Variants in DENND6A observed in about 807,000 individuals in gnomAD.
DENND6A encodes the protein protein DENND6A.
A neutral mutation model predicts 95.5 loss-of-function variants in DENND6A; 43 were observed. That is an observed-to-expected ratio of 0.45 (90% CI 0.35 to 0.58). The LOEUF (loss-of-function observed/expected upper bound fraction) is 0.58, where lower values mean the gene tolerates loss of function less well. Ranked by LOEUF, DENND6A falls within the 20% of genes least tolerant of loss-of-function variation. The pLI is 0.00. For missense variants in DENND6A, 574 were observed against 736.0 expected (o/e 0.78, Z 2.55); for synonymous variants, 257 against 260.4 (o/e 0.99, Z 0.13).
At chr3:57,651,321 C>T (rs1317741576) in intron 9 of DENND6A, among the ~76,000 whole-genome samples, 1 of 152,146 alleles carries the variant, frequency 6.6e-6, no homozygotes, top group East Asian at 1.9e-4. Flanking sequence ...AGGACATAAC[C>T]CCCTTATAAG....
rs939172972 is a variant in DENND6A at position 57,653,035 on chromosome 3, G to A, written c.818+4645C>T. 5.9e-5 allele frequency among the ~76,000 whole-genome samples: 9 copies of A among 152,256 alleles called. 1 individual carries two copies. Among genetic ancestry groups the A allele is most frequent in the East Asian group, 3.9e-4 (2 of 5,182 alleles). The stretch of plus-strand genomic sequence containing the variant: ...TGATTTTACCAATTTTGATGGTTGC[G>A]TTGTATACTTGTTTGTAGGAAATAG... On this transcript the variant is annotated intron_variant, in intron 9 of 19. Coordinates refer to ENST00000311128, the MANE Select transcript of DENND6A (RefSeq NM_152678.3).
Position 57,625,459 on chromosome 3 carries a change from T to TAA in DENND6A, c.*2753_*2754dup, listed in dbSNP as rs2070508929. On this transcript the variant is annotated 3_prime_UTR_variant, in exon 20 of 20. Coordinates refer to ENST00000311128, the MANE Select transcript of DENND6A (RefSeq NM_152678.3). Reference sequence around the variant, plus strand: ...AATAACACAAAATATCCAAGTGCTTTAAAATCCAAGGCCTTTAATTTAGTT... The same window carrying TAA: ...AATAACACAAAATATCCAAGTGCTTTAAAAAATCCAAGGCCTTTAATTTAGTT... The TAA allele has an allele frequency of 6.6e-6, 1 of 152,634 alleles. No homozygotes were observed. The highest frequency in any genetic ancestry group is 6.5e-5 in the Admixed American group (1 of 15,272). The allele number at this position is 152,634 out of a possible 1,614,324, so 9.5% of individuals were successfully genotyped here. A position where few individuals can be genotyped will look rare whatever the true frequency, so the allele number is the denominator to read the frequency against.
chr3:57,664,557 A>G (rs1042453149), intron 4 of DENND6A, among the ~76,000 whole-genome samples: 3 of 152,202 alleles, frequency 2.0e-5, no homozygotes, highest in Admixed American at 6.5e-5. Flanking sequence ...AAATGAGGCC[A>G]GGTGCAGTGG....
chr3:57,642,935 G>A (rs894936266), intron 11 of DENND6A, among the ~76,000 whole-genome samples: 6 of 151,750 alleles, frequency 4.0e-5, no homozygotes, highest in Non-Finnish European at 5.9e-5. Flanking sequence ...GAACCCAGGA[G>A]GTGGAGGTTG....
intron 14 of DENND6A, 44 bp downstream of exon 14, chr3:57,634,512 TAC>T: frequency 9.1e-7 from 1 of 1,093,988 alleles, no homozygotes; most frequent in Non-Finnish European, 1.3e-6. Context: ...GGATATTACA[TAC>T]CTGAACAAGG....
intron 1 of DENND6A, among the ~76,000 whole-genome samples, chr3:57,692,162 A>T (rs940265528): frequency 9.3e-5 from 13 of 139,344 alleles, no homozygotes; most frequent in African/African-American, 3.5e-4. Context: ...CGGGAGGCAG[A>T]GGTTGCGGTG....
chr3:57,673,912 G>T (rs2071662632), intron 1 of DENND6A, among the ~76,000 whole-genome samples: 1 of 152,018 alleles, frequency 6.6e-6, no homozygotes, highest in Non-Finnish European at 1.5e-5. Context: ...TGGAATTACA[G>T]GCATGTGCCA....
chr3:57,635,553 CTA>C (rs1345903216), intron 12 of DENND6A, among the ~76,000 whole-genome samples: 1 of 152,094 alleles, frequency 6.6e-6, no homozygotes, highest in Non-Finnish European at 1.5e-5. Context: ...GAAAGACAAT[CTA>C]GAGATTATAT....
chr3:57,638,641 G>A (rs2153412850), intron 12 of DENND6A, among the ~76,000 whole-genome samples: 1 of 151,644 alleles, frequency 6.6e-6, no homozygotes, highest in Non-Finnish European at 1.5e-5. Context: ...CAGGCAACAG[G>A]GTGAGACTCC....
At chr3:57,660,963 G>A in intron 6 of DENND6A, 124 bp from the exon 7 acceptor site, 3 of 796,904 alleles carry the variant, frequency 3.8e-6, no homozygotes, top group East Asian at 3.2e-5. Context: ...AAGAATGAGA[G>A]ATAAAAGGCA....
intron 1 of DENND6A, among the ~76,000 whole-genome samples, chr3:57,689,946 C>G (rs957462389): frequency 6.6e-6 from 1 of 151,042 alleles, no homozygotes; most frequent in African/African-American, 2.4e-5. Context: ...TGTCTGTATT[C>G]ATAGATACTC....
intron 1 of DENND6A, among the ~76,000 whole-genome samples, chr3:57,676,460 A>C (rs1476928917): frequency 6.6e-6 from 1 of 151,364 alleles, no homozygotes; most frequent in Admixed American, 6.6e-5. Context: ...TTTAACAGTT[A>C]AATCCTTGTT....
At chr3:57,642,785 C>T (rs2070976936) in intron 11 of DENND6A, among the ~76,000 whole-genome samples, 1 of 152,016 alleles carries the variant, frequency 6.6e-6, no homozygotes, top group African/African-American at 2.4e-5. Context: ...GTGGGCAGAT[C>T]ACCTGAGGTC....
intron 3 of DENND6A, among the ~76,000 whole-genome samples, chr3:57,670,990 A>G (rs538207745): frequency 6.6e-6 from 1 of 152,336 alleles, no homozygotes; most frequent in South Asian, 2.1e-4. Context: ...TATTTCATAA[A>G]TGGGTCAAAA....
intron 5 of DENND6A, among the ~76,000 whole-genome samples, chr3:57,661,872 C>A (rs1307894342): frequency 1.3e-5 from 2 of 152,112 alleles, no homozygotes; most frequent in African/African-American, 4.8e-5. Context: ...CAGGAATTAG[C>A]CATATGAACT....
intron 3 of DENND6A, among the ~76,000 whole-genome samples, chr3:57,667,884 G>A (rs373977925): frequency 1.3e-5 from 2 of 152,008 alleles, no homozygotes; most frequent in Non-Finnish European, 2.9e-5. Context: ...TGGCCAACAC[G>A]GTGAAACCCC....
At chr3:57,669,654 G>T (rs1411853291) in intron 3 of DENND6A, among the ~76,000 whole-genome samples, 2 of 151,732 alleles carry the variant, frequency 1.3e-5, no homozygotes. Context: ...GGCAGAGCTT[G>T]CAGTGAGTGG....
chr3:57,632,454 GGCCTGA>G (rs2070706926), intron 15 of DENND6A, among the ~76,000 whole-genome samples: 1 of 152,082 alleles, frequency 6.6e-6, no homozygotes, highest in East Asian at 1.9e-4. Flanking sequence ...CAAAGTGGCA[GGCCTGA>G]GCCACTGTGC....
chr3:57,671,451 A>G (rs1255884684), intron 3 of DENND6A, among the ~76,000 whole-genome samples: 1 of 151,486 alleles, frequency 6.6e-6, no homozygotes, highest in Non-Finnish European at 1.5e-5. Flanking sequence ...AATGGTGTGA[A>G]CCCGGGAGGC....
Sources: gnomAD v4.1 joint callset for allele counts (sites outside exome capture counted in the v4.1 genomes callset) on GRCh38, gnomAD v4.1.1 for gene constraint, MANE v1.5 for transcripts, NCBI Gene and HGNC (gene_info 2026-07-23, HGNC 2026-07-21) for gene names.